ABCA4: variants seen among roughly 807,000 people sequenced by gnomAD.
ABCA4 encodes the protein ATP binding cassette subfamily A member 4.
In ABCA4, 196 loss-of-function variants were observed where a neutral mutation model predicts 263.7. The observed-to-expected ratio is 0.74, with a 90% CI of 0.66 to 0.84. The LOEUF is 0.84. Among genes scored for constraint, ABCA4 ranks in the 40% least tolerant of loss-of-function variants. The pLI, the probability that ABCA4 is intolerant of heterozygous loss-of-function variation, is 0.00. For missense variants in ABCA4, 2,792 were observed against 2,855.1 expected, an observed-to-expected ratio of 0.98 and a Z score of 0.50; for synonymous variants, 1,133 against 1,094.2, an observed-to-expected ratio of 1.04 and a Z score of -0.70.
rs374610040 is a variant in ABCA4, at chr1:94,040,071, A to G, written c.3579T>C (p.Asp1193=). The G allele has an allele frequency of 6.8e-6, 11 of 1,609,086 alleles. No homozygotes were observed. The African/African-American group carries it at 1.3e-4, about 20-fold the overall frequency. ...CCAGGACTTGTTCTGGAGTTAGGTCATCGACGTGGGCTGGACACGTGGTGG... is the reference window on the plus strand; with the variant it reads ...CCAGGACTTGTTCTGGAGTTAGGTCGTCGACGTGGGCTGGACACGTGGTGG... ...GFSTTCPAHV[D]DLTPEQVLDG... Residue 1193 remains aspartate (D), a synonymous_variant, in exon 24 of 50, where the codon GAT becomes GAC. Coordinates refer to ENST00000370225, the MANE Select transcript of ABCA4 (RefSeq NM_000350.3).
chr1:93,995,606 CA>C (rs978890836), intron 49 of ABCA4, among the ~76,000 whole-genome samples: 13 of 152,296 alleles, frequency 8.5e-5, no homozygotes, highest in Middle Eastern at 3.4e-3. Flanking sequence ...TTATAAAGAA[CA>C]AAGAGCCCTC....
intron 4 of ABCA4, 46 bp downstream of exon 4, chr1:94,108,531 C>T: frequency 6.2e-7 from 1 of 1,611,524 alleles, no homozygotes. Context: ...TCAGTCTCTC[C>T]ATAGGTGAGG....
In ABCA4 at chr1:94,008,845, A is replaced by G. The variant is rs1557762858; in HGVS notation, c.5741T>C (p.Ile1914Thr). Residue 1914 changes from isoleucine to threonine, a missense_variant, in exon 41 of 50, where the codon ATT (isoleucine) becomes ACT (threonine). Physicochemically the swap from Ile to Thr is moderately conservative, Grantham distance 89 (BLOSUM62 -1). Coordinates refer to ENST00000370225, the MANE Select transcript of ABCA4 (RefSeq NM_000350.3). ...QWIAEPTKEPIVDEDDDVAEE... is the reference protein window; with the variant it reads ...QWIAEPTKEPTVDEDDDVAEE... ...AGCCACATCATCATCTTCATCAACA[A>G]TGGGCTCCTTAGTGGGCTCGGCAAT... 3.1e-6 allele frequency: 5 copies of G among 1,612,902 alleles called. No individual in the cohort carries two copies. Among genetic ancestry groups the G allele is most frequent in the Admixed American group, 1.7e-5 (1 of 59,916 alleles).
At chr1:94,076,981 G>C (rs1661551538) in intron 11 of ABCA4, among the ~76,000 whole-genome samples, 1 of 152,200 alleles carries the variant, frequency 6.6e-6, no homozygotes, top group Non-Finnish European at 1.5e-5. Context: ...TCATGCGTGG[G>C]ATCTTATTTA....
At position 94,060,635 on chromosome 1, in the gene ABCA4, T is replaced by A. The variant is rs1259726208; in HGVS notation, c.2062A>T (p.Asn688Tyr). 1.2e-6 allele frequency: 2 copies of A among 1,614,006 alleles called. No individual in the cohort carries two copies. Among genetic ancestry groups the A allele is most frequent in the Admixed American group, 1.7e-5 (1 of 59,996 alleles). Reference protein sequence around the residue: ...KELRLKETLKNQGVSNAVIWC... With the variant: ...KELRLKETLKYQGVSNAVIWC... Reference sequence around the variant, plus strand: ...ATCACTGCATTGGAGACACCCTGATTTTTCAAGGTCTCCTTCAGTCGCAAC... The same window carrying A: ...ATCACTGCATTGGAGACACCCTGATATTTCAAGGTCTCCTTCAGTCGCAAC... Residue 688 changes from asparagine to tyrosine, a missense_variant, in exon 14 of 50, where the codon AAT becomes TAT. Transcript: ENST00000370225.
intron 19 of ABCA4, chr1:94,046,056 C>A (rs1660664432): frequency 2.5e-6 from 1 of 399,450 alleles, no homozygotes; most frequent in Non-Finnish European, 5.0e-6. Context: ...GAGACTGATT[C>A]TTTTTTCACT....
At chr1:93,998,774 C>T (rs188603597) in intron 47 of ABCA4, among the ~76,000 whole-genome samples, 4 of 129,552 alleles carry the variant, frequency 3.1e-5, no homozygotes, top group South Asian at 2.4e-4. Flanking sequence ...ACAGTCTCAC[C>T]GTTGCCCAGG....
intron 11 of ABCA4, among the ~76,000 whole-genome samples, chr1:94,069,612 A>G (rs998050904): frequency 1.3e-5 from 2 of 152,224 alleles, no homozygotes; most frequent in Admixed American, 1.3e-4. Context: ...CTTTTGAGAA[A>G]TGCCAATGGA....
chr1:94,014,825 G>T (rs1004838604), intron 37 of ABCA4, 135 bp from the exon 38 acceptor site: 30 of 1,128,408 alleles, frequency 2.7e-5, no homozygotes, highest in Admixed American at 2.0e-4. Context: ...GGACCAGAGA[G>T]ATACTCCATT....
In ABCA4 at chr1:94,103,098, G is replaced by T. The variant is rs1662328658; in HGVS notation, c.487C>A (p.Leu163Met). ...ATGTTTTTAATGAGAAATAGTGTCAGTGTTTCTTCATCTTTCAAGATATCC... is the reference window on the plus strand; with the variant it reads ...ATGTTTTTAATGAGAAATAGTGTCATTGTTTCTTCATCTTTCAAGATATCC... ...IRDILKDEET[L>M]TLFLIKNIGL... The change falls in exon 5 of 50, where the codon CTG becomes ATG. Residue 163 changes from leucine to methionine, a missense_variant. Physicochemically the swap from Leu to Met is conservative, Grantham distance 15. Transcript: ENST00000370225. The T allele has an allele frequency of 6.2e-7, 1 of 1,613,900 alleles. No homozygotes were observed. The highest frequency in any genetic ancestry group is 2.2e-5 in the East Asian group (1 of 44,880).
intron 39 of ABCA4, 105 bp downstream of exon 39, chr1:94,011,157 C>G: frequency 6.3e-7 from 1 of 1,597,970 alleles, no homozygotes; most frequent in South Asian, 1.1e-5. Flanking sequence ...ACAAGGTCCC[C>G]TCCTAGCACC....
chr1:94,097,504 A>G (rs1662153997), intron 6 of ABCA4, among the ~76,000 whole-genome samples: 1 of 152,232 alleles, frequency 6.6e-6, no homozygotes, highest in African/African-American at 2.4e-5. Context: ...TCTAGAAATT[A>G]AAATGTAGGC....
chr1:93,997,665 CAAT>C (rs1659046031), intron 48 of ABCA4, among the ~76,000 whole-genome samples, 193 bp downstream of exon 48: 1 of 152,100 alleles, frequency 6.6e-6, no homozygotes, highest in Non-Finnish European at 1.5e-5. Flanking sequence ...AAAAAAGAAT[CAAT>C]GAAGTTTCCT....
intron 16 of ABCA4, among the ~76,000 whole-genome samples, chr1:94,053,967 C>T (rs1007031591): frequency 2.6e-5 from 4 of 152,238 alleles, no homozygotes; most frequent in African/African-American, 9.6e-5. Flanking sequence ...CTGGACCAGC[C>T]TCACCATCCC....
intron 1 of ABCA4, among the ~76,000 whole-genome samples, chr1:94,120,740 A>T (rs1027053409): frequency 1.3e-5 from 2 of 152,096 alleles, no homozygotes; most frequent in Non-Finnish European, 1.5e-5. Context: ...CACGGTAGGC[A>T]AAAGATTTTC....
chr1:94,116,974 CTTTCTTTCTTTCT>C (rs1557812244), intron 1 of ABCA4, among the ~76,000 whole-genome samples: 1 of 86,228 alleles, frequency 1.2e-5, no homozygotes, highest in East Asian at 3.6e-4. Context: ...CTTTCTCTTT[CTTTCTTTCTTTCT>C]TTCTTTCTTT....
chr1:94,050,909 G>A (rs1445564558), intron 17 of ABCA4, among the ~76,000 whole-genome samples: 1 of 152,272 alleles, frequency 6.6e-6, no homozygotes, highest in Non-Finnish European at 1.5e-5. Flanking sequence ...ACAAACAGAT[G>A]GGAGAGTACT....
At chr1:94,080,424 A>G in intron 8 of ABCA4, 54 bp downstream of exon 8, 2 of 1,611,856 alleles carry the variant, frequency 1.2e-6, no homozygotes, top group Admixed American at 1.7e-5. Flanking sequence ...GTGTTAAACC[A>G]TCAACTTAAC....
At chr1:94,111,221 T>A (rs1051880800) in intron 3 of ABCA4, among the ~76,000 whole-genome samples, 45 of 152,356 alleles carry the variant, frequency 3.0e-4, no homozygotes, top group African/African-American at 1.1e-3. Flanking sequence ...CAAGAAATTT[T>A]GTGCACGTGG....
Sources: gnomAD v4.1 joint callset for allele counts (sites outside exome capture counted in the v4.1 genomes callset) on GRCh38, gnomAD v4.1.1 for gene constraint, MANE v1.5 for transcripts, NCBI Gene and HGNC (gene_info 2026-07-23, HGNC 2026-07-21) for gene names.